The following ANXA8 variants were observed in gnomAD, a reference collection of about 807,000 sequenced individuals.
ANXA8 encodes the protein VAC-beta.
Under a neutral mutation model 26.8 loss-of-function variants are expected in ANXA8, and 9 were observed. The ratio of observed to expected loss-of-function variants is 0.34; its 90% CI spans 0.20 to 0.59. ANXA8 has a LOEUF of 0.59. ANXA8 is among the 20% of genes least tolerant of loss of function. ANXA8 has a pLI of 0.84. For missense variants in ANXA8, 83 were observed against 238.5 expected (o/e 0.35, Z 4.29); for synonymous variants, 39 against 94.8 (o/e 0.41, Z 3.42).
chr10:47,703,645 G>A, the ANXA8 span, among the ~76,000 whole-genome samples: 15 of 151,604 alleles, frequency 9.9e-5, no homozygotes, highest in East Asian at 3.9e-4. Context: ...ATACTGCACC[G>A]ACACAAATGC....
the ANXA8 span, among the ~76,000 whole-genome samples, chr10:47,688,605 A>G: frequency 2.6e-5 from 4 of 151,110 alleles, no homozygotes; most frequent in Admixed American, 2.6e-4. Context: ...TATTTTTAGT[A>G]GAGATGGGGT....
chr10:47,679,497 C>T, the ANXA8 span, among the ~76,000 whole-genome samples: 1 of 152,058 alleles, frequency 6.6e-6, no homozygotes, highest in South Asian at 2.1e-4. Flanking sequence ...TGTCTGTAAT[C>T]CCACTTACTT....
chr10:47,509,923 A>G, the ANXA8 span, among the ~76,000 whole-genome samples: 3 of 141,504 alleles, frequency 2.1e-5, 1 homozygote, highest in Non-Finnish European at 4.6e-5. Flanking sequence ...ACTGTGTTCA[A>G]CATTGTCTAA....
At chr10:47,658,238 C>A in the ANXA8 span, among the ~76,000 whole-genome samples, 3 of 151,590 alleles carry the variant, frequency 2.0e-5, no homozygotes, top group Admixed American at 2.0e-4. Flanking sequence ...CATGGTGGCA[C>A]GCACCTGTAG....
In ANXA8 at chr10:47,474,005, G is replaced by A. The variant is rs1839404221; in HGVS notation, c.707C>T (p.Thr236Ile). ...KSIEDSIKSE[T>I]HGSLEEAMLT... ...CATGGCCTCCTCCAGTGAGCCATGG[G>A]TCTCACTCTTGATGCTGTCCTCAAT... Residue 236 changes from threonine to isoleucine, a missense_variant, in exon 9 of 12, where the codon ACC (threonine) becomes ATC (isoleucine). Physicochemically the swap from Thr to Ile is moderately conservative, Grantham distance 89 (BLOSUM62 -1). Transcript: ENST00000585281. 7.3e-6 allele frequency: 4 copies of A among 547,490 alleles called. No homozygotes were observed. The highest frequency in any genetic ancestry group is 1.2e-5 in the Non-Finnish European group (4 of 324,378). 33.9% of individuals were successfully genotyped at this position (547,490 alleles called of 1,614,324 possible).
chr10:47,485,876 A>G (rs1341887453), upstream of ANXA8, among the ~76,000 whole-genome samples: 1 of 151,908 alleles, frequency 6.6e-6, no homozygotes, highest in African/African-American at 2.4e-5. Flanking sequence ...TGGGAGGCCA[A>G]GACAGGTGGA....
the ANXA8 span, among the ~76,000 whole-genome samples, chr10:47,584,878 A>G: frequency 7.1e-6 from 1 of 140,138 alleles, no homozygotes; most frequent in African/African-American, 3.0e-5. Context: ...ACCTGAGGTC[A>G]GGAGTTTGAG....
chr10:47,484,046 T>C lies in ANXA8; in HGVS notation c.-113A>G. Reference sequence around the variant, plus strand: ...CTGAGGAGTGAGCAGGCCGCTCACTTGGGTGTGGGGGTGCAAGCCCGCCCA... The same window carrying C: ...CTGAGGAGTGAGCAGGCCGCTCACTCGGGTGTGGGGGTGCAAGCCCGCCCA... On this transcript the variant is annotated 5_prime_UTR_variant, in exon 1 of 12. Transcript: ENST00000585281. 5 of 1,610,144 alleles carry C rather than the reference T, an allele frequency of 3.1e-6. No individual in the cohort carries two copies. The highest frequency in any genetic ancestry group is 4.2e-6 in the Non-Finnish European group (5 of 1,178,576).
the ANXA8 span, among the ~76,000 whole-genome samples, chr10:47,739,939 A>G: frequency 1.1e-5 from 1 of 88,708 alleles, no homozygotes; most frequent in African/African-American, 4.1e-5. Context: ...TAAAACACTA[A>G]AAAAAAAAAA....
chr10:47,556,248 G>T, the ANXA8 span, among the ~76,000 whole-genome samples: 1 of 151,708 alleles, frequency 6.6e-6, no homozygotes, highest in African/African-American at 2.4e-5. Flanking sequence ...TCCATGCCTC[G>T]CCTCCCCCTC....
the ANXA8 span, among the ~76,000 whole-genome samples, chr10:47,925,920 CATGTGCATA>C: frequency 8.6e-6 from 1 of 116,062 alleles, no homozygotes. Context: ...AAATATTTGC[CATGTGCATA>C]GTTTGCATAG....
At chr10:47,693,579 C>T in the ANXA8 span, among the ~76,000 whole-genome samples, 2 of 151,902 alleles carry the variant, frequency 1.3e-5, no homozygotes, top group African/African-American at 2.4e-5. Context: ...CGTGAGCCAC[C>T]GCGCCCGGCC....
chr10:47,623,591 T>C, the ANXA8 span, among the ~76,000 whole-genome samples: 93 of 111,372 alleles, frequency 8.4e-4, 27 homozygotes, highest in African/African-American at 3.0e-3. Flanking sequence ...TAGTTTTATA[T>C]TTTTCCTTCA....
chr10:47,502,206 C>G, the ANXA8 span: 2 of 1,543,774 alleles, frequency 1.3e-6, no homozygotes, highest in Non-Finnish European at 1.7e-6. Context: ...CCGTCAGGAG[C>G]TGCTCCAGGA....
At chr10:47,593,764 G>A in the ANXA8 span, among the ~76,000 whole-genome samples, 2 of 147,330 alleles carry the variant, frequency 1.4e-5, no homozygotes, top group Non-Finnish European at 1.5e-5. Flanking sequence ...TTAATACTGA[G>A]TGTCAACTTG....
At chr10:47,948,973 C>A in the ANXA8 span, among the ~76,000 whole-genome samples, 15 of 137,882 alleles carry the variant, frequency 1.1e-4, 1 homozygote, top group East Asian at 3.5e-3. Context: ...TTTTTTCCTG[C>A]CATTTTTGAA....
chr10:47,771,569 G>GTTTT, the ANXA8 span, among the ~76,000 whole-genome samples: 1 of 138,950 alleles, frequency 7.2e-6, no homozygotes, highest in Admixed American at 7.3e-5. Context: ...TCTATGGCAG[G>GTTTT]TTTTTTTTGT....
chr10:47,706,001 T>C, the ANXA8 span, among the ~76,000 whole-genome samples: 1 of 149,772 alleles, frequency 6.7e-6, no homozygotes, highest in Non-Finnish European at 1.5e-5. Flanking sequence ...GTGGGCGTGT[T>C]GTGGGGGGGG....
At chr10:47,894,796 C>T in the ANXA8 span, among the ~76,000 whole-genome samples, 1 of 152,298 alleles carries the variant, frequency 6.6e-6, no homozygotes, top group South Asian at 2.1e-4. Flanking sequence ...ACCACACACA[C>T]ACCACATACA....
Sources: gnomAD v4.1 joint callset for allele counts (sites outside exome capture counted in the v4.1 genomes callset) on GRCh38, gnomAD v4.1.1 for gene constraint, MANE v1.5 for transcripts, NCBI Gene and HGNC (gene_info 2026-07-23, HGNC 2026-07-21) for gene names.